The following PACRG variants were observed in gnomAD, a reference collection of about 807,000 sequenced individuals.
The protein encoded by PACRG is parkin coregulated gene protein.
In PACRG, 29 loss-of-function variants were observed where a neutral mutation model predicts 29.7. The ratio of observed to expected loss-of-function variants is 0.98; its 90% confidence interval spans 0.73 to 1.33. The LOEUF (loss-of-function observed/expected upper bound fraction) is 1.33, where lower values mean the gene tolerates loss of function less well. Ranked by LOEUF, PACRG falls within the 40% of genes most tolerant of loss-of-function variation. The pLI is 0.00. For missense variants in PACRG, 279 were observed against 316.2 expected (o/e 0.88, Z 0.89); for synonymous variants, 116 against 118.7 (o/e 0.98, Z 0.15).
chr6:162,744,851 A>G (rs933986072), intron 1 of PACRG, among the ~76,000 whole-genome samples: 4 of 152,146 alleles, frequency 2.6e-5, no homozygotes, highest in African/African-American at 9.7e-5. Flanking sequence ...CAAGTTATAA[A>G]CAATAATCAG....
intron 1 of PACRG, among the ~76,000 whole-genome samples, chr6:162,772,336 A>T (rs1028943737): frequency 2.0e-5 from 3 of 152,216 alleles, no homozygotes; most frequent in African/African-American, 7.2e-5. Context: ...CTGAGGCAAT[A>T]ATCAAAGAAA....
intron 2 of PACRG, among the ~76,000 whole-genome samples, chr6:162,884,860 C>A (rs530657273): frequency 6.6e-6 from 1 of 152,246 alleles, no homozygotes; most frequent in South Asian, 2.1e-4. Flanking sequence ...CAAGGTCAAA[C>A]AAAGATTTCA....
intron 2 of PACRG, among the ~76,000 whole-genome samples, chr6:162,908,132 T>A (rs1796060804): frequency 1.3e-5 from 2 of 152,226 alleles, no homozygotes; most frequent in Non-Finnish European, 2.9e-5. Context: ...TATTAATACT[T>A]ACATAAAGTC....
intron 4 of PACRG, among the ~76,000 whole-genome samples, chr6:163,293,137 T>A (rs909258176): frequency 6.6e-6 from 1 of 152,188 alleles, no homozygotes; most frequent in Admixed American, 6.5e-5. Flanking sequence ...TTCTGGAAAA[T>A]CCTATGAACC....
intron 4 of PACRG, among the ~76,000 whole-genome samples, chr6:163,230,014 T>C (rs192805622): frequency 7.2e-5 from 11 of 152,376 alleles, no homozygotes; most frequent in African/African-American, 2.2e-4. Context: ...ATACTGCCAT[T>C]GTTGACATTC....
chr6:163,196,353 G>A (rs150818094), intron 4 of PACRG, among the ~76,000 whole-genome samples: 13 of 152,232 alleles, frequency 8.5e-5, no homozygotes, highest in African/African-American at 2.4e-4. Context: ...CACTCTTTTC[G>A]CCAACATGTA....
intron 1 of PACRG, among the ~76,000 whole-genome samples, chr6:162,760,437 A>G (rs1205685767): frequency 6.6e-6 from 1 of 152,132 alleles, no homozygotes; most frequent in Admixed American, 6.6e-5. Context: ...ATGTTTAAGG[A>G]GCATTGTGAG....
chr6:163,296,063 G>A (rs888846909), intron 4 of PACRG, among the ~76,000 whole-genome samples: 3 of 152,146 alleles, frequency 2.0e-5, no homozygotes, highest in Non-Finnish European at 2.9e-5. Context: ...CAGCCCCTGG[G>A]GGGTGTTAGG....
chr6:163,021,712 C>A (rs138245084), intron 2 of PACRG, among the ~76,000 whole-genome samples: 3 of 152,304 alleles, frequency 2.0e-5, no homozygotes, highest in African/African-American at 7.2e-5. Context: ...TGTTGCCCCA[C>A]CTTCAGACCC....
chr6:163,031,964 T>C (rs181769733), intron 2 of PACRG, among the ~76,000 whole-genome samples: 1 of 152,326 alleles, frequency 6.6e-6, no homozygotes, highest in East Asian at 1.9e-4. Flanking sequence ...ACTATTCCAG[T>C]CAAAGCCCTG....
intron 3 of PACRG, among the ~76,000 whole-genome samples, chr6:163,080,978 T>C (rs1057024133): frequency 1.3e-5 from 2 of 152,176 alleles, no homozygotes; most frequent in Middle Eastern, 3.2e-3. Context: ...TAATAGCTGA[T>C]CTAAATCGAT....
chr6:163,128,963 A>G (rs1009205284), intron 4 of PACRG, among the ~76,000 whole-genome samples: 2 of 152,174 alleles, frequency 1.3e-5, no homozygotes, highest in Non-Finnish European at 2.9e-5. Context: ...CCTAGGTGGT[A>G]TGTGTTAAAT....
At chr6:162,979,832 G>A (rs915625744) in intron 2 of PACRG, among the ~76,000 whole-genome samples, 4 of 151,884 alleles carry the variant, frequency 2.6e-5, no homozygotes, top group African/African-American at 9.7e-5. Flanking sequence ...AGTTTAATGT[G>A]CTTTCTATTT....
intron 2 of PACRG, among the ~76,000 whole-genome samples, chr6:163,022,420 A>T (rs1201235707): frequency 6.6e-6 from 1 of 152,204 alleles, no homozygotes; most frequent in Non-Finnish European, 1.5e-5. Context: ...AAGGCTGCCG[A>T]GATAAAAGCA....
intron 2 of PACRG, among the ~76,000 whole-genome samples, chr6:162,966,366 G>C (rs776008670): frequency 6.6e-6 from 1 of 152,072 alleles, no homozygotes; most frequent in Non-Finnish European, 1.5e-5. Flanking sequence ...CATCCCCAGG[G>C]GTCTGTTATT....
chr6:162,929,094 C>T (rs141979301), intron 2 of PACRG, among the ~76,000 whole-genome samples: 103 of 152,020 alleles, frequency 6.8e-4, no homozygotes, highest in African/African-American at 2.3e-3. Context: ...ACAGATATCT[C>T]TTTAATATAT....
chr6:163,076,339 GT>G (rs1452331044), intron 3 of PACRG, among the ~76,000 whole-genome samples: 2 of 152,098 alleles, frequency 1.3e-5, no homozygotes, highest in Non-Finnish European at 2.9e-5. Context: ...GCAAATTTCA[GT>G]TTACACCCTC....
chr6:162,728,347 G>T lies in PACRG; in HGVS notation c.112G>T (p.Val38Phe), dbSNP rs751448935. The T allele has an allele frequency of 1.2e-6, 2 of 1,613,744 alleles. No individual in the cohort carries two copies. Among genetic ancestry groups the T allele is most frequent in the Non-Finnish European group, 1.7e-6 (2 of 1,180,024 alleles). The part of the protein sequence containing the change: ...PLPVHQPHSL[V>F]SEGFTVKAMM... ...CCCGGTGCACCAGCCTCACTCTCTG[G>T]TTTCTGAGGGTTTCACAGTCAAAGC... The change falls in exon 1 of 5, where the codon GTT becomes TTT. Residue 38 changes from valine (V) to phenylalanine (F), a missense_variant. By Grantham distance (50) the Val-to-Phe change is conservative (BLOSUM62 -1). Coordinates refer to ENST00000366888, the MANE Select transcript of PACRG (RefSeq NM_001080379.2).
At chr6:162,903,562 A>G (rs1364327287) in intron 2 of PACRG, among the ~76,000 whole-genome samples, 1 of 152,152 alleles carries the variant, frequency 6.6e-6, no homozygotes, top group Non-Finnish European at 1.5e-5. Context: ...TTATAAAACC[A>G]TCAGATCTCA....
Sources: gnomAD v4.1 joint callset for allele counts (sites outside exome capture counted in the v4.1 genomes callset) on GRCh38, gnomAD v4.1.1 for gene constraint, MANE v1.5 for transcripts, NCBI Gene and HGNC (gene_info 2026-07-23, HGNC 2026-07-21) for gene names.